The following NCAM1 variants were observed in gnomAD, a reference collection of about 807,000 sequenced individuals.
NCAM1 encodes the protein antigen recognized by monoclonal antibody 5.1H11.
In NCAM1, 14 loss-of-function variants were observed where a neutral mutation model predicts 109.8. That is an observed-to-expected ratio of 0.13 (90% CI 0.08 to 0.20). NCAM1 has a LOEUF of 0.20. Among genes scored for constraint, NCAM1 ranks in the 10% least tolerant of loss-of-function variants. The probability of loss-of-function intolerance (pLI) is 1.00; values close to 1 mark genes in which losing one functional copy is unlikely to be tolerated. For synonymous variants in NCAM1, 418 were observed against 442.9 expected (o/e 0.94, Z 0.70); for missense variants, 774 against 1,109.9 (o/e 0.70, Z 4.30).
At chr11:112,989,426 G>A (rs1951400920) in intron 1 of NCAM1, among the ~76,000 whole-genome samples, 1 of 151,994 alleles carries the variant, frequency 6.6e-6, no homozygotes, top group South Asian at 2.1e-4. Flanking sequence ...CAGGTCTGTT[G>A]TATTCTTCAG....
At chr11:113,264,223 T>C in intron 17 of NCAM1, 1 of 985,248 alleles carries the variant, frequency 1.0e-6, no homozygotes, top group Non-Finnish European at 1.2e-6. Flanking sequence ...TTTGTTCTTT[T>C]TGGTTTCTTT....
chr11:113,121,910 C>A (rs1555096168), intron 1 of NCAM1, among the ~76,000 whole-genome samples: 2 of 152,170 alleles, frequency 1.3e-5, no homozygotes, highest in African/African-American at 2.4e-5. Flanking sequence ...ATCTTAAATT[C>A]TTATCTGGTC....
chr11:113,212,789 C>T (rs750557540), intron 7 of NCAM1, among the ~76,000 whole-genome samples: 1 of 152,124 alleles, frequency 6.6e-6, no homozygotes, highest in Non-Finnish European at 1.5e-5. Flanking sequence ...CTTTCAATGG[C>T]ACTTGGCACA....
intron 1 of NCAM1, among the ~76,000 whole-genome samples, chr11:112,979,513 GA>G (rs1324038569): frequency 2.6e-5 from 4 of 151,686 alleles, no homozygotes; most frequent in African/African-American, 9.7e-5. Context: ...AACAACTATA[GA>G]AAAAAAGAAA....
intron 1 of NCAM1, among the ~76,000 whole-genome samples, chr11:113,091,715 C>G (rs963810720): frequency 4.6e-5 from 7 of 152,112 alleles, no homozygotes; most frequent in African/African-American, 1.7e-4. Context: ...TCATTCAGTC[C>G]TTGGGGCCTG....
chr11:113,166,878 T>C lies in NCAM1; in HGVS notation c.53-35501T>C, dbSNP rs1395407313. The stretch of plus-strand genomic sequence containing the variant: ...ACAAATATAATCATTTTAAGCACTT[T>C]TTAGTAATCACAAATTCAGCTGGGT... On this transcript the variant is annotated intron_variant, in intron 1 of 19. Coordinates refer to ENST00000316851, the MANE Select transcript of NCAM1 (RefSeq NM_181351.5). Among the ~76,000 whole-genome samples the C allele has an allele frequency of 3.9e-5, 6 of 152,220 alleles. No individual in the cohort carries two copies. In the East Asian group the frequency reaches 9.6e-4, roughly 24 times the overall value.
intron 1 of NCAM1, among the ~76,000 whole-genome samples, chr11:113,110,179 T>C (rs1940382634): frequency 6.6e-6 from 1 of 151,674 alleles, no homozygotes; most frequent in Admixed American, 6.6e-5. Flanking sequence ...ATTATGAACT[T>C]GTCTCAAGGA....
chr11:113,262,970 A>G (rs182389474), intron 17 of NCAM1: 41 of 1,592,390 alleles, frequency 2.6e-5, no homozygotes, highest in African/African-American at 1.3e-4. Flanking sequence ...CCCAGTTCCT[A>G]TGAAAAAGAT....
intron 1 of NCAM1, among the ~76,000 whole-genome samples, chr11:112,996,451 ATGACATAAC>A (rs2134905922): frequency 6.6e-6 from 1 of 152,324 alleles, no homozygotes; most frequent in Non-Finnish European, 1.5e-5. Context: ...ATTCACTGAT[ATGACATAAC>A]GTACTTAACC....
intron 17 of NCAM1, chr11:113,263,099 A>G (rs1946054232): frequency 7.5e-7 from 1 of 1,329,656 alleles, no homozygotes; most frequent in South Asian, 2.2e-5. Context: ...ACATGTCACC[A>G]CTCACAGATA....
chr11:112,995,836 A>G (rs1555071347), intron 1 of NCAM1, among the ~76,000 whole-genome samples: 1 of 152,182 alleles, frequency 6.6e-6, no homozygotes, highest in Non-Finnish European at 1.5e-5. Context: ...GTAAAAATCT[A>G]CTGACCCATG....
chr11:113,056,953 T>G (rs1478705021), intron 1 of NCAM1, among the ~76,000 whole-genome samples: 1 of 152,228 alleles, frequency 6.6e-6, no homozygotes, highest in Non-Finnish European at 1.5e-5. Flanking sequence ...CATCCAATTA[T>G]TAAAAATTCC....
chr11:113,164,436 C>T (rs1385118087), intron 1 of NCAM1, among the ~76,000 whole-genome samples: 3 of 152,146 alleles, frequency 2.0e-5, no homozygotes, highest in African/African-American at 4.8e-5. Context: ...CTCAGTCCCA[C>T]GAGACTGCCC....
At chr11:113,246,947 A>G (rs1230775172) in intron 15 of NCAM1, among the ~76,000 whole-genome samples, 2 of 152,222 alleles carry the variant, frequency 1.3e-5, no homozygotes, top group East Asian at 3.9e-4. Flanking sequence ...GGCTGTGATT[A>G]CTGAGGTGTC....
chr11:113,139,679 G>A (rs1555100062), intron 1 of NCAM1, among the ~76,000 whole-genome samples: 1 of 151,700 alleles, frequency 6.6e-6, no homozygotes, highest in Non-Finnish European at 1.5e-5. Context: ...CTTTTGGGTA[G>A]AGAAAATAAA....
At chr11:113,125,544 C>T (rs1403523409) in intron 1 of NCAM1, among the ~76,000 whole-genome samples, 7 of 152,154 alleles carry the variant, frequency 4.6e-5, no homozygotes, top group South Asian at 2.1e-4. Flanking sequence ...GCCCTTTACA[C>T]GCTATTGGCT....
chr11:113,155,011 G>T (rs567492033), intron 1 of NCAM1, among the ~76,000 whole-genome samples: 3 of 152,172 alleles, frequency 2.0e-5, no homozygotes, highest in South Asian at 4.1e-4. Flanking sequence ...AGGTGAGAGA[G>T]CAAAGGATGC....
intron 1 of NCAM1, among the ~76,000 whole-genome samples, chr11:113,028,212 G>A (rs1034824789): frequency 3.3e-5 from 5 of 152,088 alleles, no homozygotes; most frequent in Admixed American, 1.3e-4. Flanking sequence ...AAAAATAAAG[G>A]TTTGAGGTGA....
At chr11:113,067,586 A>C (rs1434723344) in intron 1 of NCAM1, among the ~76,000 whole-genome samples, 1 of 152,220 alleles carries the variant, frequency 6.6e-6, no homozygotes, top group African/African-American at 2.4e-5. Flanking sequence ...TCGTTATGTC[A>C]CCTGGCATTT....
Sources: allele counts gnomAD v4.1 joint callset (sites outside exome capture counted in the v4.1 genomes callset), GRCh38; gene constraint gnomAD v4.1.1; transcripts MANE v1.5; gene names NCBI Gene and HGNC (gene_info 2026-07-23, HGNC 2026-07-21).